Variants in INPP4B observed in about 807,000 individuals in gnomAD.
The protein encoded by INPP4B is inositol polyphosphate 4-phosphatase type II.
A neutral mutation model predicts 122.5 loss-of-function variants in INPP4B; 55 were observed. The ratio of observed to expected loss-of-function variants is 0.45; its 90% CI spans 0.36 to 0.56. The LOEUF (loss-of-function observed/expected upper bound fraction) is 0.56, where lower values mean the gene tolerates loss of function less well. Ranked by LOEUF, INPP4B falls within the 20% of genes least tolerant of loss-of-function variation. The pLI is 0.00. For missense variants in INPP4B, 1,000 were observed against 1,097.7 expected, an observed-to-expected ratio of 0.91 and a Z score of 1.26; for synonymous variants, 403 against 388.7, an observed-to-expected ratio of 1.04 and a Z score of -0.43.
chr4:142,179,243 T>C (rs1296765740), intron 15 of INPP4B, among the ~76,000 whole-genome samples: 2 of 151,966 alleles, frequency 1.3e-5, no homozygotes, highest in Non-Finnish European at 2.9e-5. Flanking sequence ...GAGGCCGAGG[T>C]GGGCAGCTTG....
intron 2 of INPP4B, among the ~76,000 whole-genome samples, chr4:142,713,786 T>TG (rs1457653972): frequency 6.6e-6 from 1 of 152,162 alleles, no homozygotes; most frequent in Non-Finnish European, 1.5e-5. Flanking sequence ...TTCTACATCC[T>TG]GGGGGTTTTA....
chr4:142,410,995 G>A (rs1477979203), intron 5 of INPP4B, among the ~76,000 whole-genome samples: 1 of 151,696 alleles, frequency 6.6e-6, no homozygotes, highest in African/African-American at 2.4e-5. Context: ...TTTTCAGATA[G>A]CTAAATATAC....
At chr4:142,079,641 C>T (rs977436875) in intron 25 of INPP4B, among the ~76,000 whole-genome samples, 7 of 151,948 alleles carry the variant, frequency 4.6e-5, no homozygotes, top group East Asian at 1.9e-4. Flanking sequence ...TTAAATTCTA[C>T]GATTATTTCT....
chr4:142,752,698 G>A (rs331963), intron 1 of INPP4B, among the ~76,000 whole-genome samples: 57,046 of 151,802 alleles, frequency 0.38, 11,019 homozygotes, highest in South Asian at 0.48. Flanking sequence ...TCTTCACATA[G>A]CATCGTATTT....
intron 2 of INPP4B, among the ~76,000 whole-genome samples, chr4:142,693,766 A>G (rs1248488946): frequency 6.6e-6 from 1 of 152,104 alleles, no homozygotes; most frequent in Non-Finnish European, 1.5e-5. Context: ...AATTCAAATG[A>G]TATATGTTGT....
At chr4:142,229,841 G>A (rs1853380793) in intron 12 of INPP4B, among the ~76,000 whole-genome samples, 1 of 152,078 alleles carries the variant, frequency 6.6e-6, no homozygotes, top group Non-Finnish European at 1.5e-5. Context: ...TATATTTTTG[G>A]GGGGATAGGG....
intron 21 of INPP4B, among the ~76,000 whole-genome samples, chr4:142,114,181 C>T (rs72718435): frequency 3.9e-3 from 593 of 152,030 alleles, no homozygotes; most frequent in Non-Finnish European, 5.8e-3. Context: ...TCTATTGTAT[C>T]GATATCACTT....
rs531281344 is a variant in INPP4B at position 142,119,668 on chromosome 4, G to T, written c.2135+2460C>A. On this transcript the variant is annotated intron_variant, in intron 21 of 25. Coordinates refer to ENST00000262992, the MANE Select transcript of INPP4B (RefSeq NM_001101669.3). ...TCGTGGGGTGGGGGGAAGGGAGAGG[G>T]ATAGCATTAGGAGATATACCTAATG... Among the ~76,000 whole-genome samples the T allele has an allele frequency of 2.0e-5, 3 of 151,718 alleles. No individual in the cohort carries two copies. The South Asian group carries it at 6.3e-4, about 32-fold the overall frequency.
intron 1 of INPP4B, among the ~76,000 whole-genome samples, chr4:142,777,978 G>T (rs887327162): frequency 1.3e-5 from 2 of 152,166 alleles, no homozygotes; most frequent in Admixed American, 6.5e-5. Context: ...GACAGTGACA[G>T]CAGAGCCCAT....
At chr4:142,763,887 C>A (rs1226090280) in intron 1 of INPP4B, among the ~76,000 whole-genome samples, 1 of 151,924 alleles carries the variant, frequency 6.6e-6, no homozygotes, top group Non-Finnish European at 1.5e-5. Context: ...ATTATCTAAG[C>A]TCTCATAAAA....
chr4:142,805,342 A>G (rs905920125), intron 1 of INPP4B, among the ~76,000 whole-genome samples: 1 of 152,216 alleles, frequency 6.6e-6, no homozygotes, highest in Non-Finnish European at 1.5e-5. Flanking sequence ...TTATAAGTAG[A>G]AAGACATAAT....
At chr4:142,742,562 T>G (rs75437874) in intron 1 of INPP4B, among the ~76,000 whole-genome samples, 4,122 of 151,658 alleles carry the variant, frequency 0.027, 77 homozygotes, top group Middle Eastern at 0.095. Flanking sequence ...GTCTTAGTAG[T>G]GAGAAAAAAA....
At chr4:142,812,696 CA>C (rs1388040803) in intron 1 of INPP4B, among the ~76,000 whole-genome samples, 2 of 151,504 alleles carry the variant, frequency 1.3e-5, no homozygotes, top group East Asian at 3.9e-4. Flanking sequence ...TTTTTTATAA[CA>C]AGGTAAAAAA....
At chr4:142,637,464 A>G (rs769697192) in intron 2 of INPP4B, among the ~76,000 whole-genome samples, 1 of 152,052 alleles carries the variant, frequency 6.6e-6, no homozygotes, top group Non-Finnish European at 1.5e-5. Context: ...GCCCTTTTAG[A>G]TTTGATTATT....
chr4:142,398,179 T>C lies in INPP4B; in HGVS notation c.372+4759A>G, dbSNP rs1799996154. Among the ~76,000 whole-genome samples the C allele has an allele frequency of 1.3e-5, 2 of 151,026 alleles. 1 individual carries two copies. The highest frequency in any genetic ancestry group is 4.2e-4 in the South Asian group (2 of 4,780). On this transcript the variant is annotated intron_variant, in intron 7 of 25. Coordinates refer to ENST00000262992, the MANE Select transcript of INPP4B (RefSeq NM_001101669.3). ...TCACGAGGTCAGGAGATCAAGACCA[T>C]CCTGGCTAACACGGTGAAACCCCGT...
intron 2 of INPP4B, among the ~76,000 whole-genome samples, chr4:142,538,687 C>T (rs550833494): frequency 1.1e-4 from 16 of 152,192 alleles, no homozygotes; most frequent in African/African-American, 3.6e-4. Flanking sequence ...GGTGAAGAAA[C>T]CACTTTGAAA....
intron 2 of INPP4B, among the ~76,000 whole-genome samples, chr4:142,711,234 A>T (rs1763076775): frequency 6.6e-6 from 1 of 152,170 alleles, no homozygotes; most frequent in South Asian, 2.1e-4. Flanking sequence ...ATCTTCTCAG[A>T]GAGGCCTCCC....
intron 1 of INPP4B, among the ~76,000 whole-genome samples, chr4:142,789,756 C>T (rs1172302891): frequency 6.6e-6 from 1 of 151,926 alleles, no homozygotes; most frequent in East Asian, 1.9e-4. Context: ...TCACATGGAA[C>T]CAAAAAAGCC....
rs142626531 is a variant in INPP4B, at chr4:142,142,974, G to A, written c.1720+2866C>T. On this transcript the variant is annotated intron_variant, in intron 18 of 25. Coordinates refer to ENST00000262992, the MANE Select transcript of INPP4B (RefSeq NM_001101669.3). ...ACTTTTCCCTATCCATATAAAGACAGGGCAGACCTATGAAGGAGAAGAGTT... is the reference window on the plus strand; with the variant it reads ...ACTTTTCCCTATCCATATAAAGACAAGGCAGACCTATGAAGGAGAAGAGTT... 4.6e-3 allele frequency among the ~76,000 whole-genome samples: 693 copies of A among 152,068 alleles called. 3 individuals carry two copies. Among genetic ancestry groups the A allele is most frequent in the African/African-American group, 0.016 (656 of 41,484 alleles).
Sources: allele counts gnomAD v4.1 joint callset (sites outside exome capture counted in the v4.1 genomes callset), GRCh38; gene constraint gnomAD v4.1.1; transcripts MANE v1.5; gene names NCBI Gene and HGNC (gene_info 2026-07-23, HGNC 2026-07-21).